The following ATP8B4 variants were observed in gnomAD, a reference collection of about 807,000 sequenced individuals.
ATP8B4 encodes probable phospholipid-transporting ATPase IM.
Under a neutral mutation model 145.6 loss-of-function variants are expected in ATP8B4, and 133 were observed. The observed-to-expected ratio is 0.91, with a 90% confidence interval of 0.79 to 1.05. The LOEUF is 1.05. Among genes scored for constraint, ATP8B4 ranks in the 50% least tolerant of loss-of-function variants. ATP8B4 has a pLI of 0.00. For missense variants in ATP8B4, 1,458 were observed against 1,425.2 expected (o/e 1.02, Z -0.37); for synonymous variants, 507 against 492.9 (o/e 1.03, Z -0.38).
chr15:50,044,404 G>A (rs1232297272), intron 5 of ATP8B4, among the ~76,000 whole-genome samples, 190 bp downstream of exon 5: 1 of 152,178 alleles, frequency 6.6e-6, no homozygotes, highest in East Asian at 1.9e-4. Context: ...AGTTACTGAA[G>A]CCTTCTTGCT....
chr15:50,043,938 C>T (rs965844502), intron 5 of ATP8B4, among the ~76,000 whole-genome samples: 21 of 136,290 alleles, frequency 1.5e-4, no homozygotes, highest in Admixed American at 9.7e-4. Context: ...CCGGCCTGGG[C>T]GACAGAGCGA....
At chr15:49,996,844 T>C (rs747608507) in intron 8 of ATP8B4, 85 bp from the exon 9 acceptor site, 10 of 1,018,550 alleles carry the variant, frequency 9.8e-6, no homozygotes, top group African/African-American at 3.2e-5. Flanking sequence ...GTGTAGCACA[T>C]GCAAAGCCAA....
chr15:50,077,984 C>T (rs1015709220), intron 2 of ATP8B4, among the ~76,000 whole-genome samples: 3 of 152,074 alleles, frequency 2.0e-5, no homozygotes, highest in Non-Finnish European at 4.4e-5. Flanking sequence ...CTGGCGATGG[C>T]ACTAATCTAT....
intron 1 of ATP8B4, among the ~76,000 whole-genome samples, chr15:50,153,307 AAG>A (rs2044369367): frequency 6.6e-6 from 1 of 152,068 alleles, no homozygotes; most frequent in South Asian, 2.1e-4. Flanking sequence ...AGTTGAAGGA[AAG>A]AGTTTTCATT....
intron 20 of ATP8B4, among the ~76,000 whole-genome samples, chr15:49,909,997 G>A (rs2039063684): frequency 6.6e-6 from 1 of 151,950 alleles, no homozygotes; most frequent in South Asian, 2.1e-4. Context: ...AGATTCCAAT[G>A]AATAGGAAAT....
intron 2 of ATP8B4, among the ~76,000 whole-genome samples, chr15:50,076,500 AG>A (rs1193659109): frequency 1.3e-5 from 2 of 151,904 alleles, no homozygotes; most frequent in African/African-American, 2.4e-5. Flanking sequence ...CAAAAAAAAA[AG>A]AAAAAAGAAA....
chr15:50,167,125 T>C (rs1453386597), intron 1 of ATP8B4, among the ~76,000 whole-genome samples: 1 of 152,254 alleles, frequency 6.6e-6, no homozygotes, highest in African/African-American at 2.4e-5. Context: ...TGTCAACTAC[T>C]GGACTTTTTT....
intron 9 of ATP8B4, among the ~76,000 whole-genome samples, chr15:49,990,794 C>T (rs2046986695): frequency 6.6e-6 from 1 of 152,154 alleles, no homozygotes; most frequent in East Asian, 1.9e-4. Context: ...ATTATCTGTA[C>T]TGCAACTCTT....
At chr15:50,033,928 G>A (rs1325633000) in intron 6 of ATP8B4, among the ~76,000 whole-genome samples, 3 of 152,138 alleles carry the variant, frequency 2.0e-5, no homozygotes, top group Admixed American at 6.5e-5. Flanking sequence ...ATTCCATGGT[G>A]TATATATACC....
chr15:50,114,927 T>C (rs1447511039), intron 1 of ATP8B4, among the ~76,000 whole-genome samples: 2 of 152,244 alleles, frequency 1.3e-5, no homozygotes, highest in African/African-American at 4.8e-5. Context: ...GTGCCTACTC[T>C]ATAGCTAACA....
intron 26 of ATP8B4, among the ~76,000 whole-genome samples, chr15:49,865,207 T>C (rs1228331341): frequency 6.6e-6 from 1 of 152,106 alleles, no homozygotes; most frequent in Non-Finnish European, 1.5e-5. Context: ...AAAAAATGCC[T>C]CCATAACAGC....
rs934751341 is a variant in ATP8B4, at chr15:50,101,358, T to C, written c.28+5581A>G. On this transcript the variant is annotated intron_variant, in intron 2 of 27. Coordinates refer to ENST00000284509, the MANE Select transcript of ATP8B4 (RefSeq NM_024837.4). ...AAAAACAACAGAAACCTGTGTGTCA[T>C]AAAGACTCACATAAACTTAAGGTAA... Among the ~76,000 whole-genome samples the C allele has an allele frequency of 7.9e-5, 12 of 151,990 alleles. 1 individual carries two copies. The highest frequency in any genetic ancestry group is 7.9e-4 in the Admixed American group (12 of 15,264).
chr15:49,936,032 G>T (rs1277402257), intron 14 of ATP8B4, among the ~76,000 whole-genome samples: 1 of 151,764 alleles, frequency 6.6e-6, no homozygotes, highest in Non-Finnish European at 1.5e-5. Flanking sequence ...TAAAACATTT[G>T]TGTTCTTTCC....
rs550347228 is a variant in ATP8B4 at position 50,107,082 on chromosome 15, T to C, written c.-42-74A>G. 4.1e-6 allele frequency: 4 copies of C among 978,698 alleles called. No individual in the cohort carries two copies. The East Asian group carries it at 1.1e-4, about 27-fold the overall frequency. The allele number at this position is 978,698 out of a possible 1,614,324, so 60.6% of individuals were successfully genotyped here. On this transcript the variant is annotated intron_variant, in intron 1 of 27. Coordinates refer to ENST00000284509, the MANE Select transcript of ATP8B4 (RefSeq NM_024837.4). Reference sequence around the variant, plus strand: ...TATAAATTTACCTCCTTTAACTTTCTTCCTAGACAAATCTAGGTAATTAGG... The same window carrying C: ...TATAAATTTACCTCCTTTAACTTTCCTCCTAGACAAATCTAGGTAATTAGG...
chr15:50,108,229 G>T (rs2056778017), intron 1 of ATP8B4, among the ~76,000 whole-genome samples: 1 of 151,988 alleles, frequency 6.6e-6, no homozygotes, highest in African/African-American at 2.4e-5. Flanking sequence ...CCAGCCCCAG[G>T]CAGTGGGTTA....
At chr15:50,110,019 A>G (rs2056863772) in intron 1 of ATP8B4, among the ~76,000 whole-genome samples, 1 of 152,210 alleles carries the variant, frequency 6.6e-6, no homozygotes, top group Non-Finnish European at 1.5e-5. Context: ...TTTCTCCAAT[A>G]CCATCTTCCA....
intron 1 of ATP8B4, among the ~76,000 whole-genome samples, chr15:50,143,957 G>A (rs553486855): frequency 9.9e-5 from 15 of 152,198 alleles, no homozygotes; most frequent in Non-Finnish European, 1.9e-4. Flanking sequence ...TGCTATCTCA[G>A]TGAAAGGATG....
chr15:49,935,585 G>A (rs1385509990), intron 14 of ATP8B4, among the ~76,000 whole-genome samples: 1 of 151,856 alleles, frequency 6.6e-6, no homozygotes, highest in Non-Finnish European at 1.5e-5. Flanking sequence ...CTACATTAAG[G>A]CATATCTAGT....
chr15:49,888,250 T>C (rs1222291992), intron 23 of ATP8B4, among the ~76,000 whole-genome samples: 1 of 152,184 alleles, frequency 6.6e-6, no homozygotes, highest in Non-Finnish European at 1.5e-5. Context: ...AGAGCTACCA[T>C]GCCAGGTGGA....
Sources: gnomAD v4.1 joint callset for allele counts (sites outside exome capture counted in the v4.1 genomes callset) on GRCh38, gnomAD v4.1.1 for gene constraint, MANE v1.5 for transcripts, NCBI Gene and HGNC (gene_info 2026-07-23, HGNC 2026-07-21) for gene names.